The following CAPN2 variants were observed in gnomAD, a reference collection of about 807,000 sequenced individuals.
The protein encoded by CAPN2 is calpain 2, also known as calpain-2 catalytic subunit.
Under a neutral mutation model 102.3 loss-of-function variants are expected in CAPN2, and 92 were observed. The ratio of observed to expected loss-of-function variants is 0.90; its 90% confidence interval spans 0.76 to 1.07. The LOEUF is 1.07. Ranked by LOEUF, CAPN2 falls within the 50% of genes least tolerant of loss-of-function variation. The pLI is 0.00. For missense variants in CAPN2, 800 were observed against 909.4 expected, an observed-to-expected ratio of 0.88 and a Z score of 1.55; for synonymous variants, 340 against 355.4, an observed-to-expected ratio of 0.96 and a Z score of 0.49.
intron 16 of CAPN2, among the ~76,000 whole-genome samples, chr1:223,767,881 T>TCTAA: frequency 6.6e-6 from 1 of 151,000 alleles, no homozygotes; most frequent in African/African-American, 2.4e-5. Context: ...TGATTGCCAT[T>TCTAA]CTAACTGGTG....
At position 223,762,230 on chromosome 1, in the gene CAPN2, G is replaced by T. The variant is rs750576923; in HGVS notation, c.1611G>T (p.Leu537=). ...EDDIDDGFRR[L]FAQLAGEDAE... ...ACATTGATGATGGATTCAGGAGACTGTTTGCCCAGTTGGCAGGAGAGGTAA... is the reference window on the plus strand; with the variant it reads ...ACATTGATGATGGATTCAGGAGACTTTTTGCCCAGTTGGCAGGAGAGGTAA... The change falls in exon 14 of 21, where the codon CTG becomes CTT. Residue 537 remains leucine (L), a synonymous_variant. Transcript: ENST00000295006. 4 of 1,613,890 alleles carry T rather than the reference G, an allele frequency of 2.5e-6. No individual in the cohort carries two copies. The South Asian group carries it at 4.4e-5, about 18-fold the overall frequency.
rs9988567 is a variant in CAPN2, at chr1:223,749,871, A to C, written c.813+749A>C. On this transcript the variant is annotated intron_variant, in intron 6 of 20. Transcript: ENST00000295006. ...CTCTACAAAAAAAAGTTAGCTGGGC[A>C]TGGTGGCATGCCACTGTCGTCCCAG... 9.4e-3 allele frequency among the ~76,000 whole-genome samples: 1,437 copies of C among 152,292 alleles called. 23 individuals carry two copies. The highest frequency in any genetic ancestry group is 0.033 in the African/African-American group (1,357 of 41,562).
At chr1:223,768,503 A>G (rs1286553351) in intron 16 of CAPN2, among the ~76,000 whole-genome samples, 2 of 152,152 alleles carry the variant, frequency 1.3e-5, no homozygotes, top group Admixed American at 6.5e-5. Context: ...ATAGTTGTAG[A>G]TACGGCGTTA....
upstream of CAPN2, among the ~76,000 whole-genome samples, chr1:223,711,672 G>A (rs1659730545): frequency 1.3e-5 from 2 of 152,156 alleles, no homozygotes; most frequent in African/African-American, 4.8e-5. Context: ...GCGCAGTGGC[G>A]CGATCTCGTC....
chr1:223,774,589 T>G (rs76183890), intron 20 of CAPN2, among the ~76,000 whole-genome samples: 1,553 of 152,338 alleles, frequency 0.01, 33 homozygotes, highest in African/African-American at 0.036. Context: ...GAATTTCACT[T>G]TTCATGTGTG....
chr1:223,771,499 C>CA (rs1198819439), intron 18 of CAPN2: 12 of 280,450 alleles, frequency 4.3e-5, no homozygotes, highest in Non-Finnish European at 8.0e-5. Context: ...GAGAGCTAAA[C>CA]AAAAAATCAA....
chr1:223,769,821 C>T lies in CAPN2; in HGVS notation c.1756-20C>T, dbSNP rs1317535983. ...GTGCAAATGGACCCACACTCAAGGG[C>T]TTTCCTTGACTGAAGGCAGTCGGAC... On this transcript the variant is annotated intron_variant, in intron 16 of 20. Transcript: ENST00000295006. 1 of 1,596,084 alleles carries T rather than the reference C, an allele frequency of 6.3e-7. No individual in the cohort carries two copies. The highest frequency in any genetic ancestry group is 8.6e-7 in the Non-Finnish European group (1 of 1,168,656).
At chr1:223,758,243 A>G (rs1287518819) in intron 11 of CAPN2, 1 of 152,228 alleles carries the variant, frequency 6.6e-6, no homozygotes, top group Non-Finnish European at 1.5e-5. Flanking sequence ...TTGCGAGAGC[A>G]TTTGGGCCCA....
intron 2 of CAPN2, among the ~76,000 whole-genome samples, chr1:223,734,487 G>A (rs1403369626): frequency 2.6e-5 from 4 of 151,916 alleles, no homozygotes; most frequent in Non-Finnish European, 4.4e-5. Flanking sequence ...TTCCTTATTC[G>A]GACACCCCTT....
chr1:223,749,728 A>G (rs1276370692), intron 6 of CAPN2, among the ~76,000 whole-genome samples: 1 of 152,194 alleles, frequency 6.6e-6, no homozygotes, highest in African/African-American at 2.4e-5. Context: ...TATTGAAAAT[A>G]TTATGGGCTG....
At chr1:223,718,447 T>G (rs1659940998) in intron 2 of CAPN2, among the ~76,000 whole-genome samples, 1 of 152,230 alleles carries the variant, frequency 6.6e-6, no homozygotes, top group African/African-American at 2.4e-5. Context: ...CAGATTTGTT[T>G]CTGGAGATAG....
In CAPN2 at chr1:223,727,598, G is replaced by T. The variant is rs1423559459; in HGVS notation, c.307+9767G>T. Among the ~76,000 whole-genome samples, 1 of 152,244 alleles carries T rather than the reference G, an allele frequency of 6.6e-6. No individual in the cohort carries two copies. The highest frequency in any genetic ancestry group is 1.5e-5 in the Non-Finnish European group (1 of 68,048). On this transcript the variant is annotated intron_variant, in intron 2 of 20. Coordinates refer to ENST00000295006, the MANE Select transcript of CAPN2 (RefSeq NM_001748.5). The surrounding 1 kb of genome is among the most constrained non-coding windows in gnomAD (Gnocchi z 4.1). ...GGCCGGATGGGAGGTAGGAATAGCAGTGGTAATCAGTAGGTGAGTTGCTGA... is the reference window on the plus strand; with the variant it reads ...GGCCGGATGGGAGGTAGGAATAGCATTGGTAATCAGTAGGTGAGTTGCTGA...
intron 2 of CAPN2, among the ~76,000 whole-genome samples, chr1:223,733,431 C>G (rs1660378663): frequency 6.6e-6 from 1 of 152,114 alleles, no homozygotes; most frequent in South Asian, 2.1e-4. Context: ...CTGGGGAGCA[C>G]AGCTCTGGAA....
chr1:223,744,143 T>C lies in CAPN2; in HGVS notation c.351T>C (p.Asn117=). ...CAGCCATTGCCTCCCTCACCTTGAA[T>C]GAAGAAATCCTGGCTCGAGTCGTCC... The part of the protein sequence containing the change: ...LLAAIASLTL[N]EEILARVVPL... Residue 117 remains asparagine, a synonymous_variant, in exon 3 of 21, where the codon AAT becomes AAC. Coordinates refer to ENST00000295006, the MANE Select transcript of CAPN2 (RefSeq NM_001748.5). 2.5e-6 allele frequency: 4 copies of C among 1,614,180 alleles called. No individual in the cohort carries two copies. The highest frequency in any genetic ancestry group is 3.4e-6 in the Non-Finnish European group (4 of 1,180,010).
intron 1 of CAPN2, among the ~76,000 whole-genome samples, chr1:223,717,560 A>T (rs1035562387): frequency 1.9e-4 from 29 of 152,116 alleles, no homozygotes; most frequent in African/African-American, 6.3e-4. Context: ...CTCAGACAGG[A>T]CCACCCATCC....
chr1:223,752,933 C>A lies in CAPN2; in HGVS notation c.1112C>A (p.Ala371Glu). The A allele has an allele frequency of 1.1e-5, 17 of 1,614,078 alleles. No individual in the cohort carries two copies. Among genetic ancestry groups the A allele is most frequent in the Non-Finnish European group, 1.4e-5 (16 of 1,180,006 alleles). Reference protein sequence around the residue: ...MDGNWRRGSTAGGCRNYPNTF... With the variant: ...MDGNWRRGSTEGGCRNYPNTF... ...GGGAACTGGAGGCGGGGCTCCACCG[C>A]GGGAGGTTGCAGGAACTACCCGAGT... is the stretch of plus-strand genomic sequence containing the variant. Residue 371 changes from alanine (A) to glutamate (E), a missense_variant, in exon 9 of 21, where the codon GCG becomes GAG. Physicochemically the swap from Ala to Glu is moderately radical, Grantham distance 107 (BLOSUM62 -1). Coordinates refer to ENST00000295006, the MANE Select transcript of CAPN2 (RefSeq NM_001748.5).
At chr1:223,712,982 T>A in intron 1 of CAPN2, 105 bp downstream of exon 1, 1 of 797,492 alleles carries the variant, frequency 1.3e-6, no homozygotes, top group Non-Finnish European at 1.7e-6. Flanking sequence ...GGTGCTGCAG[T>A]GGGGAAGCCG....
intron 2 of CAPN2, among the ~76,000 whole-genome samples, chr1:223,719,831 T>TGTGTGCGC (rs1491465648): frequency 2.6e-4 from 25 of 96,690 alleles, no homozygotes; most frequent in Non-Finnish European, 4.7e-4. Context: ...TGTGTGTGTG[T>TGTGTGCGC]GCGCGCGCGC....
upstream of CAPN2, among the ~76,000 whole-genome samples, chr1:223,708,691 C>A (rs1244871473): frequency 6.7e-6 from 1 of 149,444 alleles, no homozygotes; most frequent in Non-Finnish European, 1.5e-5. Context: ...GAATCACTTG[C>A]ACCCGGGAGG....
Sources: allele counts gnomAD v4.1 joint callset (sites outside exome capture counted in the v4.1 genomes callset), GRCh38; gene constraint gnomAD v4.1.1; non-coding constraint Gnocchi (gnomAD v3.1); transcripts MANE v1.5; gene names NCBI Gene and HGNC (gene_info 2026-07-23, HGNC 2026-07-21).